The following PALM2AKAP2 variants were observed in gnomAD, a reference collection of about 807,000 sequenced individuals.
PALM2AKAP2 encodes the protein PALM2 and AKAP2 fusion.
A neutral mutation model predicts 71.5 loss-of-function variants in PALM2AKAP2; 37 were observed. That is an observed-to-expected ratio of 0.52 (90% CI 0.40 to 0.68). PALM2AKAP2 has a LOEUF of 0.68. Among genes scored for constraint, PALM2AKAP2 ranks in the 30% least tolerant of loss-of-function variants. The pLI is 0.00. For synonymous variants in PALM2AKAP2, 468 were observed against 478.8 expected, an observed-to-expected ratio of 0.98 and a Z score of 0.29; for missense variants, 1,224 against 1,191.8, an observed-to-expected ratio of 1.03 and a Z score of -0.40.
At chr9:109,952,451 A>AT (rs1324171306) in intron 6 of PALM2AKAP2, among the ~76,000 whole-genome samples, 3 of 152,200 alleles carry the variant, frequency 2.0e-5, no homozygotes, top group Non-Finnish European at 2.9e-5. Context: ...TCCATGGTAG[A>AT]TTTTTTAAAT....
At chr9:109,960,638 C>A (rs1831837244) in intron 6 of PALM2AKAP2, among the ~76,000 whole-genome samples, 1 of 152,100 alleles carries the variant, frequency 6.6e-6, no homozygotes, top group South Asian at 2.1e-4. Context: ...AGATGTAATG[C>A]TATCTTTTGG....
intron 6 of PALM2AKAP2, among the ~76,000 whole-genome samples, chr9:110,011,014 A>AAAAATATAT (rs35212981): frequency 2.4e-4 from 17 of 69,572 alleles, no homozygotes; most frequent in African/African-American, 7.8e-4. Context: ...AAAAAAAAAA[A>AAAAATATAT]ATATATATAT....
chr9:109,955,482 A>T (rs185617393), intron 6 of PALM2AKAP2, among the ~76,000 whole-genome samples: 1 of 152,200 alleles, frequency 6.6e-6, no homozygotes, highest in South Asian at 2.1e-4. Flanking sequence ...ACACCTCAAT[A>T]GTTCTGGAGG....
intron 1 of PALM2AKAP2, among the ~76,000 whole-genome samples, chr9:109,792,959 A>T (rs1317953727): frequency 6.6e-6 from 1 of 152,190 alleles, no homozygotes; most frequent in Non-Finnish European, 1.5e-5. Flanking sequence ...CCACATTCTC[A>T]TGTAAGTTCA....
At chr9:110,150,711 T>C (rs1166344989) in intron 2 of PALM2AKAP2, among the ~76,000 whole-genome samples, 5 of 152,260 alleles carry the variant, frequency 3.3e-5, no homozygotes, top group African/African-American at 1.2e-4. Flanking sequence ...GTTCATCTTA[T>C]GCTGATTGAG....
chr9:109,886,214 C>G (rs1490719596), intron 3 of PALM2AKAP2, among the ~76,000 whole-genome samples: 6 of 152,072 alleles, frequency 3.9e-5, no homozygotes, highest in Non-Finnish European at 8.8e-5. Flanking sequence ...TGGCTTGGGC[C>G]CATTGCCAGC....
chr9:109,869,241 G>A (rs1422917002), intron 2 of PALM2AKAP2, among the ~76,000 whole-genome samples: 3 of 152,112 alleles, frequency 2.0e-5, no homozygotes, highest in African/African-American at 7.2e-5. Flanking sequence ...ATGATCCTGG[G>A]TGCCAAATAA....
intron 7 of PALM2AKAP2, chr9:110,025,003 C>G (rs1050965012): frequency 4.4e-5 from 57 of 1,283,546 alleles, no homozygotes; most frequent in Non-Finnish European, 5.8e-5. Context: ...GTACCTTTCT[C>G]TTTGGCTTCT....
rs555635254 is a variant in PALM2AKAP2, at chr9:110,161,353, G to C, written c.2748+4856G>C. Among the ~76,000 whole-genome samples, 15 of 152,286 alleles carry C rather than the reference G, an allele frequency of 9.8e-5. No homozygotes were observed. In the East Asian group the frequency reaches 2.9e-3, roughly 29 times the overall value. On this transcript the variant is annotated intron_variant, in intron 3 of 3. Transcript: ENST00000374525. Reference sequence around the variant, plus strand: ...GCTCATTACCATAATTCTGGAGAGGGATGTCCCAAATTGGTCCTGCCATCT... The same window carrying C: ...GCTCATTACCATAATTCTGGAGAGGCATGTCCCAAATTGGTCCTGCCATCT...
chr9:109,873,233 C>T lies in PALM2AKAP2; in HGVS notation c.126+5662C>T, dbSNP rs569053527. Among the ~76,000 whole-genome samples the T allele has an allele frequency of 1.8e-4, 28 of 152,144 alleles. 1 individual carries two copies. Among genetic ancestry groups the T allele is most frequent in the Admixed American group, 1.8e-3 (27 of 15,284 alleles). ...ATCCCAACACTTTGGGAGGCCAAGGCGGGCAGATAACCTGAGGTCAGGAGT... is the reference window on the plus strand; with the variant it reads ...ATCCCAACACTTTGGGAGGCCAAGGTGGGCAGATAACCTGAGGTCAGGAGT... On this transcript the variant is annotated intron_variant, in intron 2 of 9. Coordinates refer to the PALM2AKAP2 transcript ENST00000302798.
intron 1 of PALM2AKAP2, among the ~76,000 whole-genome samples, chr9:109,862,455 T>C (rs1359164833): frequency 6.6e-6 from 1 of 152,190 alleles, no homozygotes; most frequent in African/African-American, 2.4e-5. Context: ...GAAAAATTGC[T>C]ACTCAGAAGT....
intron 1 of PALM2AKAP2, among the ~76,000 whole-genome samples, chr9:110,050,608 T>A (rs927569516): frequency 6.6e-6 from 1 of 152,106 alleles, no homozygotes; most frequent in Non-Finnish European, 1.5e-5. Context: ...GCCCTTTCTC[T>A]GTTTTTCTTT....
In PALM2AKAP2 at chr9:110,068,616, A is replaced by G. The variant is rs535817939; in HGVS notation, c.156+19761A>G. ...GCCATCACAGCTCACTGCAGCCTCC[A>G]TCTCCCCCAGGCTCAAGCGATCCTC... On this transcript the variant is annotated intron_variant, in intron 1 of 3. Coordinates refer to ENST00000374525, the Ensembl canonical transcript of PALM2AKAP2. 3.9e-4 allele frequency among the ~76,000 whole-genome samples: 55 copies of G among 141,600 alleles called. 1 individual carries two copies. The highest frequency in any genetic ancestry group is 5.5e-4 in the Non-Finnish European group (37 of 67,584). 92.9% of individuals were successfully genotyped at this position (141,600 alleles called of 152,430 possible). A position where few individuals can be genotyped will look rare whatever the true frequency, so the allele number is the denominator to read the frequency against.
intron 4 of PALM2AKAP2, 134 bp downstream of exon 4, chr9:109,923,983 C>CAG: frequency 1.1e-6 from 1 of 951,116 alleles, no homozygotes; most frequent in Non-Finnish European, 1.5e-6. Flanking sequence ...AAATGAGGGG[C>CAG]AGATGTGTGA....
chr9:109,657,821 T>C (rs72750846), intron 1 of PALM2AKAP2, among the ~76,000 whole-genome samples: 13,574 of 152,030 alleles, frequency 0.089, 738 homozygotes, highest in South Asian at 0.2. Flanking sequence ...TCTCAGGATG[T>C]CAGGCAAGAA....
chr9:109,874,933 T>C (rs1752342), intron 2 of PALM2AKAP2, among the ~76,000 whole-genome samples: 1 of 152,210 alleles, frequency 6.6e-6, no homozygotes, highest in African/African-American at 2.4e-5. Context: ...AAGCTAATAT[T>C]CTCTGTCACT....
chr9:109,725,107 TTAAAA>T (rs1375909191), intron 1 of PALM2AKAP2, among the ~76,000 whole-genome samples: 1 of 151,978 alleles, frequency 6.6e-6, no homozygotes, highest in Non-Finnish European at 1.5e-5. Flanking sequence ...AAAAAGAAAA[TTAAAA>T]TGAGATGTCA....
At chr9:109,663,965 C>G (rs1181849739) in intron 1 of PALM2AKAP2, among the ~76,000 whole-genome samples, 2 of 152,052 alleles carry the variant, frequency 1.3e-5, no homozygotes, top group African/African-American at 4.8e-5. Flanking sequence ...CTCTTTTGAT[C>G]TTTGTTGGTT....
chr9:110,029,641 A>T (rs1833243329), intron 7 of PALM2AKAP2, among the ~76,000 whole-genome samples: 1 of 152,208 alleles, frequency 6.6e-6, no homozygotes, highest in Admixed American at 6.5e-5. Context: ...AATCTGTCCC[A>T]ATCAAGCTAG....
Sources: allele counts gnomAD v4.1 joint callset (sites outside exome capture counted in the v4.1 genomes callset), GRCh38; gene constraint gnomAD v4.1.1; transcripts MANE v1.5; gene names NCBI Gene and HGNC (gene_info 2026-07-23, HGNC 2026-07-21).